The following DAB1 variants were observed in gnomAD, a reference collection of about 807,000 sequenced individuals.
DAB1 encodes DAB adaptor protein 1, also known as disabled homolog 1.
In DAB1, 15 loss-of-function variants were observed where a neutral mutation model predicts 64.6. The ratio of observed to expected loss-of-function variants is 0.23; its 90% CI spans 0.16 to 0.36. DAB1 has a LOEUF of 0.36. Ranked by LOEUF, DAB1 falls within the 10% of genes least tolerant of loss-of-function variation. DAB1 has a pLI of 1.00. For missense variants in DAB1, 596 were observed against 706.7 expected (o/e 0.84, Z 1.78); for synonymous variants, 235 against 251.9 (o/e 0.93, Z 0.64).
intron 7 of DAB1, among the ~76,000 whole-genome samples, chr1:57,519,314 C>T (rs1296054154): frequency 6.6e-6 from 1 of 152,122 alleles, no homozygotes; most frequent in Admixed American, 6.5e-5. Context: ...TTGAGATAAG[C>T]CTGCCGGTGC....
At chr1:58,294,433 A>G (rs529447803) in intron 4 of DAB1, among the ~76,000 whole-genome samples, 1 of 152,304 alleles carries the variant, frequency 6.6e-6, no homozygotes, top group Admixed American at 6.5e-5. Context: ...AAATATTCAT[A>G]GACAATTAAT....
At chr1:58,507,562 G>A (rs554306511) in intron 2 of DAB1, among the ~76,000 whole-genome samples, 105 of 151,862 alleles carry the variant, frequency 6.9e-4, no homozygotes, top group Non-Finnish European at 1.3e-3. Context: ...ATACACTACT[G>A]CACAGATATG....
At chr1:57,196,812 C>T (rs1237627698) in intron 2 of DAB1, among the ~76,000 whole-genome samples, 2 of 152,162 alleles carry the variant, frequency 1.3e-5, no homozygotes, top group African/African-American at 4.8e-5. Context: ...AAAACTTAAC[C>T]TTTATGTAGT....
intron 5 of DAB1, among the ~76,000 whole-genome samples, chr1:58,073,632 C>T (rs990888113): frequency 1.3e-5 from 2 of 152,056 alleles, no homozygotes; most frequent in Admixed American, 1.3e-4. Flanking sequence ...TGGTTGCAGC[C>T]CCAGCATGCA....
chr1:58,503,543 C>A (rs1645941748), intron 3 of DAB1, among the ~76,000 whole-genome samples: 1 of 151,980 alleles, frequency 6.6e-6, no homozygotes, highest in Non-Finnish European at 1.5e-5. Flanking sequence ...AATTCCAACT[C>A]CCAATGTGAT....
intron 5 of DAB1, among the ~76,000 whole-genome samples, chr1:58,132,051 C>G (rs1049917439): frequency 6.6e-6 from 1 of 152,152 alleles, no homozygotes; most frequent in Non-Finnish European, 1.5e-5. Context: ...GCGCCCCTCC[C>G]CCAGCCTCAA....
intron 4 of DAB1, among the ~76,000 whole-genome samples, chr1:58,310,436 AT>A (rs1419815772): frequency 2.6e-5 from 4 of 152,174 alleles, no homozygotes. Context: ...ATGTGTGTAG[AT>A]TTTTCAATAA....
At chr1:57,538,201 A>AT (rs1415589965) in intron 7 of DAB1, among the ~76,000 whole-genome samples, 1 of 152,068 alleles carries the variant, frequency 6.6e-6, no homozygotes, top group African/African-American at 2.4e-5. Flanking sequence ...ATAGTTTGAC[A>AT]TTTTTTTAAT....
intron 1 of DAB1, among the ~76,000 whole-genome samples, chr1:57,343,262 G>A (rs1267870664): frequency 6.6e-6 from 1 of 152,226 alleles, no homozygotes; most frequent in Non-Finnish European, 1.5e-5. Context: ...TAGACACAGG[G>A]TGCTGATTGG....
intron 2 of DAB1, among the ~76,000 whole-genome samples, chr1:57,146,930 A>T (rs1557808081): frequency 6.6e-6 from 1 of 152,138 alleles, no homozygotes; most frequent in South Asian, 2.1e-4. Context: ...TAAAGTATCT[A>T]CCTTACAGCA....
intron 3 of DAB1, among the ~76,000 whole-genome samples, chr1:58,442,400 G>A (rs901059777): frequency 6.6e-6 from 1 of 152,112 alleles, no homozygotes; most frequent in Non-Finnish European, 1.5e-5. Flanking sequence ...CTGAGGGAGA[G>A]AGCAGTGAGA....
intron 5 of DAB1, among the ~76,000 whole-genome samples, chr1:57,959,380 A>C (rs978953638): frequency 6.6e-6 from 1 of 152,238 alleles, no homozygotes; most frequent in Non-Finnish European, 1.5e-5. Flanking sequence ...AGATAAGGGA[A>C]GTAGAGGGCT....
intron 1 of DAB1, among the ~76,000 whole-genome samples, chr1:57,353,908 C>A (rs1678837304): frequency 6.6e-6 from 1 of 152,180 alleles, no homozygotes; most frequent in Non-Finnish European, 1.5e-5. Flanking sequence ...TATCTATAAA[C>A]ACCTCAAAGC....
At chr1:57,943,532 G>A (rs537391335) in intron 5 of DAB1, among the ~76,000 whole-genome samples, 7 of 152,194 alleles carry the variant, frequency 4.6e-5, no homozygotes, top group South Asian at 2.1e-4. Flanking sequence ...AAATTGGCCC[G>A]CATCATTCCA....
At chr1:58,338,408 C>A (rs973014934) in intron 4 of DAB1, among the ~76,000 whole-genome samples, 1 of 152,136 alleles carries the variant, frequency 6.6e-6, no homozygotes, top group African/African-American at 2.4e-5. Flanking sequence ...TTGCAGCTAG[C>A]CTTCATATGG....
intron 2 of DAB1, among the ~76,000 whole-genome samples, chr1:57,169,138 C>T (rs1661486122): frequency 6.6e-6 from 1 of 152,088 alleles, no homozygotes; most frequent in African/African-American, 2.4e-5. Context: ...ACAAATGTTA[C>T]ACCATAGAAA....
chr1:57,648,683 A>G (rs1646222268), intron 7 of DAB1, among the ~76,000 whole-genome samples: 1 of 152,186 alleles, frequency 6.6e-6, no homozygotes, highest in African/African-American at 2.4e-5. Flanking sequence ...TTGCAAACTC[A>G]CATAAACTGG....
intron 1 of DAB1, among the ~76,000 whole-genome samples, chr1:58,545,837 C>T (rs1401332713): frequency 6.6e-6 from 1 of 152,136 alleles, no homozygotes; most frequent in East Asian, 1.9e-4. Flanking sequence ...ATCATTCAAG[C>T]AAAGTACACA....
chr1:57,490,701 A>C (rs1173150542), intron 7 of DAB1, among the ~76,000 whole-genome samples: 1 of 152,192 alleles, frequency 6.6e-6, no homozygotes, highest in Non-Finnish European at 1.5e-5. Flanking sequence ...AAAAGTCAAA[A>C]TCTATAACTA....
Sources: allele counts gnomAD v4.1 joint callset (sites outside exome capture counted in the v4.1 genomes callset), GRCh38; gene constraint gnomAD v4.1.1; transcripts MANE v1.5; gene names NCBI Gene and HGNC (gene_info 2026-07-23, HGNC 2026-07-21).